The following ZNF462 variants were observed in gnomAD, a reference collection of about 807,000 sequenced individuals.
ZNF462 encodes zinc finger PBX1-interacting protein.
In ZNF462, 10 loss-of-function variants were observed where a neutral mutation model predicts 201.9. That is an observed-to-expected ratio of 0.05 (90% CI 0.03 to 0.08). The LOEUF (loss-of-function observed/expected upper bound fraction) is 0.08. ZNF462 is among the 10% of genes least tolerant of loss of function. The pLI is 1.00. For synonymous variants in ZNF462, 1,227 were observed against 1,193.3 expected (o/e 1.03, Z -0.58); for missense variants, 2,523 against 3,168.3 (o/e 0.80, Z 4.89).
intron 10 of ZNF462, among the ~76,000 whole-genome samples, chr9:106,990,546 T>A (rs147348999): frequency 2.4e-4 from 37 of 152,170 alleles, no homozygotes; most frequent in Non-Finnish European, 4.9e-4. Context: ...ATTGTATTGC[T>A]GTCTGTCTCA....
At chr9:106,971,944 C>T in intron 7 of ZNF462, 61 bp from the exon 8 acceptor site, 1 of 1,541,520 alleles carries the variant, frequency 6.5e-7, no homozygotes, top group Non-Finnish European at 8.7e-7. Flanking sequence ...CAGGGGTTTT[C>T]AAGCATCGAT....
rs1272219932 is a variant in ZNF462, at chr9:106,920,360, A to G, written c.-30-2994A>G. On this transcript the variant is annotated intron_variant, in intron 1 of 12. Coordinates refer to ENST00000277225, the MANE Select transcript of ZNF462 (RefSeq NM_021224.6). This position sits in a 1 kb window ranked among gnomAD's most constrained non-coding sequence, Gnocchi z 4.3. ...TGATTGGGCCATGCCAGCAACTTCTATTTTCTTCTTCTGTCAGCGTCTTCA... is the reference window on the plus strand; with the variant it reads ...TGATTGGGCCATGCCAGCAACTTCTGTTTTCTTCTTCTGTCAGCGTCTTCA... Among the ~76,000 whole-genome samples the G allele has an allele frequency of 6.6e-6, 1 of 151,996 alleles. No individual in the cohort carries two copies. The highest frequency in any genetic ancestry group is 2.4e-5 in the African/African-American group (1 of 41,378).
In ZNF462 at chr9:106,932,877, ATTGT is replaced by A. The variant is rs1455462550; in HGVS notation, c.6116+332_6116+335del. On this transcript the variant is annotated intron_variant, in intron 5 of 12. Coordinates refer to ENST00000277225, the MANE Select transcript of ZNF462 (RefSeq NM_021224.6). This position sits in a 1 kb window ranked among gnomAD's most constrained non-coding sequence, Gnocchi z 6.8. ...TCAAACATTCAGCCAAAATCTAGTC[ATTGT>A]TTGAGGAAGTAAAGTCCATTTAGAA... 4.7e-6 allele frequency: 2 copies of A among 426,854 alleles called. No homozygotes were observed. Among genetic ancestry groups the A allele is most frequent in the Non-Finnish European group, 8.4e-6 (2 of 238,826 alleles). 26.4% of individuals were successfully genotyped at this position (426,854 alleles called of 1,614,324 possible).
Position 107,003,251 on chromosome 9 carries a change from G to A in ZNF462, c.7057-43G>A. ...TCTCCATCAGGGAGAACCCCATTTG[G>A]TCTGCGGTTTATTATTCCATCATTT... On this transcript the variant is annotated intron_variant, in intron 10 of 12. Transcript: ENST00000277225. The surrounding 1 kb of genome is among the most constrained non-coding windows in gnomAD (Gnocchi z 4.4). 2 of 1,609,586 alleles carry A rather than the reference G, an allele frequency of 1.2e-6. No homozygotes were observed. The highest frequency in any genetic ancestry group is 1.7e-6 in the Non-Finnish European group (2 of 1,177,746).
chr9:107,003,514 T>TA lies in ZNF462; in HGVS notation c.7189+90dup, dbSNP rs1829345143. 4.0e-6 allele frequency: 6 copies of TA among 1,515,110 alleles called. No individual in the cohort carries two copies. Among genetic ancestry groups the TA allele is most frequent in the Middle Eastern group, 2.4e-4 (1 of 4,234 alleles). 93.9% of individuals were successfully genotyped at this position (1,515,110 alleles called of 1,614,324 possible). On this transcript the variant is annotated intron_variant, in intron 11 of 12. Coordinates refer to ENST00000277225, the MANE Select transcript of ZNF462 (RefSeq NM_021224.6). This position sits in a 1 kb window ranked among gnomAD's most constrained non-coding sequence, Gnocchi z 4.4. ...GGGAGGCAGGAGGTTGTTGTAGGAG[T>TA]AACAGAAGGAATGATCCTTCTTAGT...
rs562053027 is a variant in ZNF462, at chr9:106,886,086, A to C, written c.-31+22731A>C. Among the ~76,000 whole-genome samples, 3 of 152,346 alleles carry C rather than the reference A, an allele frequency of 2.0e-5. No homozygotes were observed. The East Asian group carries it at 5.8e-4, about 29-fold the overall frequency. On this transcript the variant is annotated intron_variant, in intron 1 of 12. Transcript: ENST00000277225. This position sits in a 1 kb window ranked among gnomAD's most constrained non-coding sequence, Gnocchi z 4.6. The stretch of plus-strand genomic sequence containing the variant: ...ACTAGAACAGTTTGTATTTTATTAA[A>C]TAATAATCAAGAGGTAACTCATACC...
rs1564144389 is a variant in ZNF462, at chr9:106,974,507, C to T, written c.6832+234C>T. On this transcript the variant is annotated intron_variant, in intron 9 of 12. Transcript: ENST00000277225. The surrounding 1 kb of genome is among the most constrained non-coding windows in gnomAD (Gnocchi z 4.0). ...CAAAGGTGATGGATTCTGCAGTGAA[C>T]ATTTCCGTAGGGCTTCCCAGCATGG... 1 of 596,444 alleles carries T rather than the reference C, an allele frequency of 1.7e-6. No homozygotes were observed. The highest frequency in any genetic ancestry group is 1.9e-5 in the South Asian group (1 of 52,984). 36.9% of individuals were successfully genotyped at this position (596,444 alleles called of 1,614,324 possible).
Position 106,923,659 on chromosome 9 carries a change from T to C in ZNF462, c.220+56T>C. 6.4e-7 allele frequency: 1 copy of C among 1,566,130 alleles called. No individual in the cohort carries two copies. Among genetic ancestry groups the C allele is most frequent in the South Asian group, 1.1e-5 (1 of 89,500 alleles). On this transcript the variant is annotated intron_variant, in intron 2 of 12. Coordinates refer to ENST00000277225, the MANE Select transcript of ZNF462 (RefSeq NM_021224.6). The surrounding 1 kb of genome is among the most constrained non-coding windows in gnomAD (Gnocchi z 5.6). ...TGTATTTTAATTGCTCTTGTTTCCT[T>C]TTAGCCTGTAGCCATGGTTCTTAAT...
chr9:106,892,326 G>A (rs944256037), intron 1 of ZNF462, among the ~76,000 whole-genome samples: 2 of 152,110 alleles, frequency 1.3e-5, no homozygotes, highest in South Asian at 2.1e-4. Flanking sequence ...AGCTATATAC[G>A]TAAGCATATC....
At chr9:106,922,058 G>T (rs1466118616) in intron 1 of ZNF462, among the ~76,000 whole-genome samples, 1 of 152,190 alleles carries the variant, frequency 6.6e-6, no homozygotes, top group African/African-American at 2.4e-5. Flanking sequence ...ATCCTTGTGT[G>T]ATGGCTCCTT....
rs2132811556 is a variant in ZNF462, at chr9:107,010,576, G to C, written c.7314-247G>C. Among the ~76,000 whole-genome samples, 1 of 152,156 alleles carries C rather than the reference G, an allele frequency of 6.6e-6. No individual in the cohort carries two copies. The highest frequency in any genetic ancestry group is 2.4e-5 in the African/African-American group (1 of 41,506). ...GAAAACATGGGATAATCAATATATA[G>C]TATAATAATGGATACTTCTGTAAGT... On this transcript the variant is annotated intron_variant, in intron 12 of 12. Coordinates refer to ENST00000277225, the MANE Select transcript of ZNF462 (RefSeq NM_021224.6). The surrounding 1 kb of genome is among the most constrained non-coding windows in gnomAD (Gnocchi z 4.6).
rs989293545 is a variant in ZNF462, at chr9:106,979,687, A to G, written c.6833-4499A>G. ...AAGAGAGACTAAAAAACAGGTGAAT[A>G]ATAGTTTTATGAGGGTATTCCTATT... On this transcript the variant is annotated intron_variant, in intron 9 of 12. Transcript: ENST00000277225. The G allele has an allele frequency of 3.0e-4, 31 of 102,716 alleles. 4 individuals carry two copies. Among genetic ancestry groups the G allele is most frequent in the African/African-American group, 1.7e-3 (31 of 17,828 alleles). The allele number at this position is 102,716 out of a possible 1,614,324, so 6.4% of individuals were successfully genotyped here.
Position 106,895,985 on chromosome 9 carries a change from C to G in ZNF462, c.-30-27369C>G, listed in dbSNP as rs1001571702. ...AAGAACATTCATTATCTAACCCGCC[C>G]TTTCTAGCCTTAAATCATGTCCTTT... On this transcript the variant is annotated intron_variant, in intron 1 of 12. Coordinates refer to ENST00000277225, the MANE Select transcript of ZNF462 (RefSeq NM_021224.6). This position sits in a 1 kb window ranked among gnomAD's most constrained non-coding sequence, Gnocchi z 4.4. Among the ~76,000 whole-genome samples the G allele has an allele frequency of 3.9e-5, 6 of 152,306 alleles. No individual in the cohort carries two copies. Among genetic ancestry groups the G allele is most frequent in the African/African-American group, 1.4e-4 (6 of 41,564 alleles).
chr9:106,971,764 A>G (rs1052652691), intron 7 of ZNF462, among the ~76,000 whole-genome samples: 2 of 152,182 alleles, frequency 1.3e-5, no homozygotes, highest in South Asian at 2.1e-4. Flanking sequence ...TTCCCTGCAC[A>G]TTACAAATGG....
At chr9:106,987,370 A>G (rs931233383) in intron 10 of ZNF462, among the ~76,000 whole-genome samples, 3 of 152,094 alleles carry the variant, frequency 2.0e-5, no homozygotes, top group Non-Finnish European at 4.4e-5. Context: ...TTGCAGAAGT[A>G]AGGTGGTATT....
rs1828409047 is a variant in ZNF462, at chr9:106,993,022, T to C, written c.7056+8613T>C. The stretch of plus-strand genomic sequence containing the variant: ...CAATTGGTTCCAAACAGGGATTCAC[T>C]TTTTTTCCCAGTAAAACAGTGCATT... On this transcript the variant is annotated intron_variant, in intron 10 of 12. Transcript: ENST00000277225. This position sits in a 1 kb window ranked among gnomAD's most constrained non-coding sequence, Gnocchi z 4.0. 6.6e-6 allele frequency among the ~76,000 whole-genome samples: 1 copy of C among 152,112 alleles called. No homozygotes were observed.
chr9:106,863,136 C>T (rs1827130949), upstream of ZNF462: 1 of 396,488 alleles, frequency 2.5e-6, no homozygotes. Flanking sequence ...GGGAGAGAGA[C>T]GGATATCTCA....
At chr9:106,889,317 C>G (rs1408589536) in intron 1 of ZNF462, among the ~76,000 whole-genome samples, 1 of 152,194 alleles carries the variant, frequency 6.6e-6, no homozygotes, top group Non-Finnish European at 1.5e-5. Flanking sequence ...CTTCGCTGTG[C>G]TCGGGTAGCT....
chr9:106,939,303 C>T (rs1036452047), intron 7 of ZNF462, among the ~76,000 whole-genome samples, 196 bp downstream of exon 7: 1 of 152,042 alleles, frequency 6.6e-6, no homozygotes, highest in African/African-American at 2.4e-5. Flanking sequence ...ATCTGTGTGA[C>T]GCCATGATGA....
Sources: gnomAD v4.1 joint callset for allele counts (sites outside exome capture counted in the v4.1 genomes callset) on GRCh38, gnomAD v4.1.1 for gene constraint, Gnocchi (gnomAD v3.1) non-coding constraint, MANE v1.5 for transcripts, NCBI Gene and HGNC (gene_info 2026-07-23, HGNC 2026-07-21) for gene names.